Variants in MAPK8 observed in about 807,000 individuals in gnomAD.
MAPK8 encodes the protein JUN N-terminal kinase.
MAPK8 carries 13 observed loss-of-function variants against 52.9 expected under a neutral mutation model. The observed-to-expected ratio is 0.25, with a 90% CI of 0.16 to 0.39. MAPK8 has a LOEUF of 0.39. MAPK8 is among the 10% of genes least tolerant of loss of function. MAPK8 has a pLI of 1.00. For missense variants in MAPK8, 300 were observed against 519.2 expected, an observed-to-expected ratio of 0.58 and a Z score of 4.10; for synonymous variants, 191 against 169.8, an observed-to-expected ratio of 1.12 and a Z score of -0.97.
At chr10:48,323,364 T>TA (rs2132172435) in intron 1 of MAPK8, among the ~76,000 whole-genome samples, 1 of 152,334 alleles carries the variant, frequency 6.6e-6, no homozygotes, top group African/African-American at 2.4e-5. Flanking sequence ...TCGTGTTGAA[T>TA]AAAATTTTTA....
chr10:48,388,781 G>T (rs1279372891), intron 1 of MAPK8, among the ~76,000 whole-genome samples: 1 of 152,140 alleles, frequency 6.6e-6, no homozygotes, highest in East Asian at 1.9e-4. Flanking sequence ...GGCTGTCTCA[G>T]TCTGGGCCCT....
At chr10:48,376,431 T>G (rs2040665663) in intron 1 of MAPK8, among the ~76,000 whole-genome samples, 1 of 152,184 alleles carries the variant, frequency 6.6e-6, no homozygotes, top group Non-Finnish European at 1.5e-5. Flanking sequence ...GAAACTATCA[T>G]CAGAGTGAAC....
chr10:48,322,747 G>A lies in MAPK8; in HGVS notation c.-50+15926G>A, dbSNP rs571506536. 4.6e-5 allele frequency among the ~76,000 whole-genome samples: 7 copies of A among 152,258 alleles called. No individual in the cohort carries two copies. The South Asian group carries it at 1.2e-3, about 27-fold the overall frequency. ...CTCAGCCACGTCTTTGGAATTGGCA[G>A]ATCCCTTCAGGGGGAGAAATGGCCC... On this transcript the variant is annotated intron_variant, in intron 1 of 11. Transcript: ENST00000374189.
chr10:48,368,795 C>CACAAAG (rs1848294532), intron 1 of MAPK8, among the ~76,000 whole-genome samples: 1 of 152,178 alleles, frequency 6.6e-6, no homozygotes, highest in South Asian at 2.1e-4. Context: ...GGCTGGACTT[C>CACAAAG]ACAAAGATTT....
chr10:48,425,305 CA>C, intron 7 of MAPK8: 1 of 581,556 alleles, frequency 1.7e-6, no homozygotes, highest in South Asian at 2.4e-5. Flanking sequence ...TACAACTTAG[CA>C]AAAAACTGAA....
chr10:48,332,367 A>G (rs1459408961), intron 1 of MAPK8, among the ~76,000 whole-genome samples: 1 of 152,208 alleles, frequency 6.6e-6, no homozygotes, highest in African/African-American at 2.4e-5. Flanking sequence ...TAGCAGGGGT[A>G]TAAATCCCTG....
chr10:48,358,758 T>C (rs1394297915), intron 1 of MAPK8, among the ~76,000 whole-genome samples: 2 of 152,182 alleles, frequency 1.3e-5, no homozygotes, highest in Non-Finnish European at 2.9e-5. Context: ...TTATATTAGG[T>C]CTTTGATCCA....
At chr10:48,433,534 C>A (rs555905810) in intron 11 of MAPK8, among the ~76,000 whole-genome samples, 48 of 152,208 alleles carry the variant, frequency 3.2e-4, no homozygotes, top group African/African-American at 1.2e-3. Flanking sequence ...AGGAGATTAT[C>A]ACCTCTTTTA....
At position 48,436,086 on chromosome 10, in the gene MAPK8, G is replaced by A. The variant is rs1044859192; in HGVS notation, c.*1057G>A. The A allele has an allele frequency of 6.6e-6, 1 of 152,146 alleles. No homozygotes were observed. Among genetic ancestry groups the A allele is most frequent in the African/African-American group, 2.4e-5 (1 of 41,418 alleles). 9.4% of individuals were successfully genotyped at this position (152,146 alleles called of 1,614,324 possible). A position where few individuals can be genotyped will look rare whatever the true frequency, so the allele number is the denominator to read the frequency against. On this transcript the variant is annotated 3_prime_UTR_variant, in exon 12 of 12. Transcript: ENST00000374189. ...ACTTGTAGCATAATCATTTATACGA[G>A]CTATTGGGAGGTTCCAAACCCTACC...
chr10:48,438,880 T>A lies in MAPK8; in HGVS notation c.*3851T>A, dbSNP rs2045073033. On this transcript the variant is annotated 3_prime_UTR_variant, in exon 12 of 12. Transcript: ENST00000374189. Reference sequence around the variant, plus strand: ...AACCTGCTCGTGATATCGGTCCATTTACATTTTACAAAAGGAGTAAATCTT... The same window carrying A: ...AACCTGCTCGTGATATCGGTCCATTAACATTTTACAAAAGGAGTAAATCTT... 6.6e-6 allele frequency: 1 copy of A among 152,234 alleles called. No individual in the cohort carries two copies. Among genetic ancestry groups the A allele is most frequent in the Non-Finnish European group, 1.5e-5 (1 of 68,034 alleles). 9.4% of individuals were successfully genotyped at this position (152,234 alleles called of 1,614,324 possible).
intron 1 of MAPK8, among the ~76,000 whole-genome samples, chr10:48,392,222 A>G (rs2041662555): frequency 6.6e-6 from 1 of 152,152 alleles, no homozygotes; most frequent in Non-Finnish European, 1.5e-5. Context: ...TTCTGAAATG[A>G]GAGTCTTATG....
At chr10:48,332,172 C>G (rs1225056607) in intron 1 of MAPK8, among the ~76,000 whole-genome samples, 1 of 152,138 alleles carries the variant, frequency 6.6e-6, no homozygotes, top group African/African-American at 2.4e-5. Context: ...AGGCTTCCAC[C>G]CAGCTGGAAA....
At chr10:48,355,508 C>A (rs201900270) in intron 1 of MAPK8, among the ~76,000 whole-genome samples, 2,106 of 112,690 alleles carry the variant, frequency 0.019, no homozygotes, top group Middle Eastern at 0.022. Context: ...GATTCCGTCT[C>A]AAAAAAAAAA....
intron 1 of MAPK8, among the ~76,000 whole-genome samples, chr10:48,398,669 G>A (rs909444809): frequency 3.3e-5 from 5 of 152,230 alleles, no homozygotes; most frequent in Non-Finnish European, 5.9e-5. Context: ...AAATGTCCAA[G>A]TGGTACGTCC....
chr10:48,362,104 A>G (rs1847585772), intron 1 of MAPK8, among the ~76,000 whole-genome samples: 1 of 152,006 alleles, frequency 6.6e-6, no homozygotes, highest in African/African-American at 2.4e-5. Flanking sequence ...TTCCAGCTTT[A>G]TTTCCTGCAG....
At chr10:48,359,746 G>T (rs78313088) in intron 1 of MAPK8, among the ~76,000 whole-genome samples, 2 of 152,034 alleles carry the variant, frequency 1.3e-5, no homozygotes, top group African/African-American at 4.8e-5. Flanking sequence ...TCCTCACATC[G>T]TATAAAAATC....
intron 6 of MAPK8, among the ~76,000 whole-genome samples, chr10:48,421,000 G>A (rs539311577): frequency 6.6e-6 from 1 of 152,278 alleles, no homozygotes; most frequent in East Asian, 1.9e-4. Context: ...AAGAAATTTT[G>A]TTGAGTCTTA....
intron 1 of MAPK8, among the ~76,000 whole-genome samples, chr10:48,349,894 A>G (rs151112526): frequency 0.022 from 3,290 of 152,298 alleles, 115 homozygotes; most frequent in African/African-American, 0.073. Flanking sequence ...AAGAAAAGAT[A>G]AAAGAATCAA....
At chr10:48,423,116 GATGTTCAAACCCAAAGGCATAAA>G (rs1314248213) in intron 6 of MAPK8, among the ~76,000 whole-genome samples, 2 of 152,104 alleles carry the variant, frequency 1.3e-5, no homozygotes, top group African/African-American at 2.4e-5. Context: ...CTTTTTGTGT[GATGTTCAAACCCAAAGGCATAAA>G]ATGCCACGAT....
Sources: gnomAD v4.1 joint callset for allele counts (sites outside exome capture counted in the v4.1 genomes callset) on GRCh38, gnomAD v4.1.1 for gene constraint, MANE v1.5 for transcripts, NCBI Gene and HGNC (gene_info 2026-07-23, HGNC 2026-07-21) for gene names.